CTNNA3: variants seen among roughly 807,000 people sequenced by gnomAD.
CTNNA3 encodes catenin alpha-3.
Under a neutral mutation model 95.7 loss-of-function variants are expected in CTNNA3, and 76 were observed. The observed-to-expected ratio is 0.79, with a 90% confidence interval of 0.66 to 0.96. The LOEUF is 0.96. Ranked by LOEUF, CTNNA3 falls within the 40% of genes least tolerant of loss-of-function variation. The pLI, the probability that CTNNA3 is intolerant of heterozygous loss-of-function variation, is 0.00. For synonymous variants in CTNNA3, 431 were observed against 374.4 expected (o/e 1.15, Z -1.74); for missense variants, 1,191 against 1,089.8 (o/e 1.09, Z -1.31).
intron 15 of CTNNA3, among the ~76,000 whole-genome samples, chr10:66,029,576 AAT>A (rs1166981098): frequency 6.6e-6 from 1 of 152,178 alleles, no homozygotes; most frequent in Non-Finnish European, 1.5e-5. Context: ...AACCAGCAAG[AAT>A]GGTCTTCCTC....
At chr10:66,744,198 C>A (rs1008948199) in intron 9 of CTNNA3, among the ~76,000 whole-genome samples, 5 of 152,050 alleles carry the variant, frequency 3.3e-5, no homozygotes, top group Admixed American at 3.3e-4. Context: ...TACAAATAAT[C>A]TTCATGCACC....
intron 10 of CTNNA3, among the ~76,000 whole-genome samples, chr10:66,571,614 G>C (rs550478895): frequency 1.7e-4 from 26 of 152,238 alleles, no homozygotes; most frequent in South Asian, 4.1e-4. Flanking sequence ...GTTCAAGGTA[G>C]TATACATATG....
chr10:67,598,958 T>A (rs2133363944), intron 3 of CTNNA3, among the ~76,000 whole-genome samples: 1 of 152,042 alleles, frequency 6.6e-6, no homozygotes, highest in South Asian at 2.1e-4. Flanking sequence ...GGAAAAAAAA[T>A]AAAAATAAAA....
intron 7 of CTNNA3, among the ~76,000 whole-genome samples, chr10:67,041,215 T>G (rs1355753939): frequency 6.6e-6 from 1 of 152,062 alleles, no homozygotes; most frequent in Non-Finnish European, 1.5e-5. Context: ...CTTGTCAGAA[T>G]AGATTTTCTG....
At chr10:67,028,628 TACA>T (rs1853532679) in intron 7 of CTNNA3, among the ~76,000 whole-genome samples, 1 of 142,500 alleles carries the variant, frequency 7.0e-6, no homozygotes, top group Admixed American at 7.4e-5. Context: ...AGATAACTGA[TACA>T]ACAAGCTAGT....
intron 6 of CTNNA3, among the ~76,000 whole-genome samples, chr10:67,190,310 A>G (rs1025342776): frequency 2.6e-5 from 4 of 152,180 alleles, no homozygotes; most frequent in South Asian, 2.1e-4. Context: ...ATATAATGAT[A>G]TCATATATAT....
At position 67,025,182 on chromosome 10, in the gene CTNNA3, A is replaced by G. The variant is rs928176730; in HGVS notation, c.1047+155135T>C. On this transcript the variant is annotated intron_variant, in intron 7 of 17. Coordinates refer to ENST00000433211, the MANE Select transcript of CTNNA3 (RefSeq NM_013266.4). Reference sequence around the variant, plus strand: ...GAAGGAAGGAAGGAAGGAAAGAAAGAAAAGAAACCACAAGAAATATTTTTC... The same window carrying G: ...GAAGGAAGGAAGGAAGGAAAGAAAGGAAAGAAACCACAAGAAATATTTTTC... Among the ~76,000 whole-genome samples the G allele has an allele frequency of 3.3e-5, 5 of 151,692 alleles. No homozygotes were observed. The South Asian group carries it at 6.2e-4, about 19-fold the overall frequency.
chr10:66,421,897 G>GATGTGTAT, intron 11 of CTNNA3, among the ~76,000 whole-genome samples: 4 of 108,162 alleles, frequency 3.7e-5, no homozygotes, highest in Non-Finnish European at 7.8e-5. Flanking sequence ...TAATAAATGT[G>GATGTGTAT]ATATATATAT....
At chr10:66,484,903 C>G (rs942559233) in intron 11 of CTNNA3, among the ~76,000 whole-genome samples, 4 of 151,966 alleles carry the variant, frequency 2.6e-5, no homozygotes, top group Non-Finnish European at 5.9e-5. Context: ...GGGTTTATCC[C>G]TGGGATGCAG....
intron 9 of CTNNA3, among the ~76,000 whole-genome samples, chr10:66,712,315 G>C (rs1848321723): frequency 6.6e-6 from 1 of 152,048 alleles, no homozygotes; most frequent in Non-Finnish European, 1.5e-5. Context: ...TAGAATACAG[G>C]ATTTTAAAAT....
At chr10:67,268,766 AC>A (rs1325246895) in intron 5 of CTNNA3, among the ~76,000 whole-genome samples, 2 of 152,238 alleles carry the variant, frequency 1.3e-5, no homozygotes, top group Non-Finnish European at 2.9e-5. Flanking sequence ...CCAGTTAAAT[AC>A]AACAAATATT....
chr10:67,068,396 GA>G (rs915581341), intron 7 of CTNNA3, among the ~76,000 whole-genome samples: 3 of 152,178 alleles, frequency 2.0e-5, no homozygotes, highest in Admixed American at 1.3e-4. Context: ...TACGTTGGGG[GA>G]CATTCGATGG....
At chr10:66,798,935 G>A (rs1841320406) in intron 7 of CTNNA3, among the ~76,000 whole-genome samples, 2 of 151,622 alleles carry the variant, frequency 1.3e-5, no homozygotes, top group Non-Finnish European at 3.0e-5. Flanking sequence ...CAGCATACAA[G>A]TAAAGAGAGT....
intron 13 of CTNNA3, chr10:66,118,232 C>T (rs1048074751): frequency 6.6e-6 from 1 of 152,044 alleles, no homozygotes; most frequent in African/African-American, 2.4e-5. Flanking sequence ...TATGTCTTTG[C>T]TTTGTCCTAT....
At chr10:66,679,165 T>C (rs4287244) in intron 9 of CTNNA3, among the ~76,000 whole-genome samples, 84,206 of 152,012 alleles carry the variant, frequency 0.55, 24,066 homozygotes, top group African/African-American at 0.68. Context: ...TGAGAAATCA[T>C]GAAATCCTAG....
intron 13 of CTNNA3, among the ~76,000 whole-genome samples, chr10:66,232,017 T>C (rs928561166): frequency 2.0e-5 from 3 of 152,172 alleles, no homozygotes; most frequent in African/African-American, 2.4e-5. Context: ...AAACAGAAGA[T>C]ACAGATCCAA....
intron 7 of CTNNA3, among the ~76,000 whole-genome samples, chr10:66,948,463 C>T (rs2132710154): frequency 1.3e-5 from 2 of 152,304 alleles, no homozygotes; most frequent in Middle Eastern, 6.8e-3. Context: ...CCTGTTACTA[C>T]ATGTGTTATG....
At chr10:66,278,755 T>C (rs1185806732) in intron 13 of CTNNA3, among the ~76,000 whole-genome samples, 3 of 152,116 alleles carry the variant, frequency 2.0e-5, no homozygotes. Context: ...CTGGTTTATA[T>C]TCTCAAATAT....
At chr10:67,113,333 C>T (rs887175917) in intron 7 of CTNNA3, among the ~76,000 whole-genome samples, 19 of 152,160 alleles carry the variant, frequency 1.2e-4, no homozygotes, top group African/African-American at 4.6e-4. Flanking sequence ...TATCTCATCC[C>T]TGACTCATCT....
Sources: gnomAD v4.1 joint callset for allele counts (sites outside exome capture counted in the v4.1 genomes callset) on GRCh38, gnomAD v4.1.1 for gene constraint, MANE v1.5 for transcripts, NCBI Gene and HGNC (gene_info 2026-07-23, HGNC 2026-07-21) for gene names.